The following MAPK10 variants were observed in gnomAD, a reference collection of about 807,000 sequenced individuals.
MAPK10 encodes the protein mitogen-activated protein kinase 10, also known as JNK3 alpha protein kinase.
In MAPK10, 25 loss-of-function variants were observed where a neutral mutation model predicts 59.3. That is an observed-to-expected ratio of 0.42 (90% CI 0.31 to 0.59). The LOEUF is 0.59. Ranked by LOEUF, MAPK10 falls within the 20% of genes least tolerant of loss-of-function variation. The probability of loss-of-function intolerance (pLI) is 0.15; values close to 1 mark genes in which losing one functional copy is unlikely to be tolerated. For missense variants in MAPK10, 351 were observed against 568.9 expected, an observed-to-expected ratio of 0.62 and a Z score of 3.90; for synonymous variants, 190 against 200.5, an observed-to-expected ratio of 0.95 and a Z score of 0.44.
chr4:86,455,634 A>G (rs2149058227), upstream of MAPK10, among the ~76,000 whole-genome samples: 2 of 152,310 alleles, frequency 1.3e-5, no homozygotes, highest in South Asian at 4.1e-4. Context: ...TGCACCTAAC[A>G]CTAGAGCTCC....
intron 3 of MAPK10, among the ~76,000 whole-genome samples, chr4:86,178,605 G>C (rs768571216): frequency 2.0e-5 from 3 of 151,844 alleles, no homozygotes; most frequent in Non-Finnish European, 4.4e-5. Flanking sequence ...AAACCTTAAA[G>C]CTTTTCCTCT....
intron 2 of MAPK10, among the ~76,000 whole-genome samples, chr4:86,284,196 A>C (rs949252367): frequency 2.0e-5 from 3 of 152,190 alleles, no homozygotes; most frequent in Non-Finnish European, 2.9e-5. Context: ...GGAACATGCT[A>C]TTATTATCTC....
chr4:86,576,394 G>A (rs1190460251), intron 1 of MAPK10, among the ~76,000 whole-genome samples: 3 of 152,142 alleles, frequency 2.0e-5, no homozygotes, highest in African/African-American at 7.2e-5. Flanking sequence ...TGGGGGTGTG[G>A]CAGGTAGAGT....
intron 2 of MAPK10, among the ~76,000 whole-genome samples, chr4:86,283,768 G>A (rs1041764933): frequency 6.6e-6 from 1 of 152,188 alleles, no homozygotes; most frequent in African/African-American, 2.4e-5. Flanking sequence ...ATGGTTGCTT[G>A]TAGTGCAGGT....
intron 1 of MAPK10, among the ~76,000 whole-genome samples, chr4:86,412,205 T>C (rs1745272840): frequency 6.6e-6 from 1 of 152,226 alleles, no homozygotes; most frequent in Admixed American, 6.5e-5. Context: ...AATTCTTTCC[T>C]TTAAGAATGT....
intron 2 of MAPK10, among the ~76,000 whole-genome samples, chr4:86,285,300 C>A (rs538918744): frequency 6.6e-6 from 1 of 150,398 alleles, no homozygotes; most frequent in Non-Finnish European, 1.5e-5. Context: ...TCACTGCAAC[C>A]TCTGCCTCCC....
intron 1 of MAPK10, among the ~76,000 whole-genome samples, chr4:86,365,430 T>TAAA (rs1564734606): frequency 1.9e-4 from 2 of 10,460 alleles, no homozygotes; most frequent in Admixed American, 1.9e-3. Flanking sequence ...AGACTCTGTC[T>TAAA]CAAAAAAAAA....
chr4:86,214,811 G>A (rs1411289521), intron 2 of MAPK10, among the ~76,000 whole-genome samples: 1 of 152,106 alleles, frequency 6.6e-6, no homozygotes, highest in Non-Finnish European at 1.5e-5. Context: ...TAGATTGGAT[G>A]TCTTAATATT....
chr4:86,574,246 TA>T (rs1237553740), intron 1 of MAPK10, among the ~76,000 whole-genome samples: 1 of 151,960 alleles, frequency 6.6e-6, no homozygotes, highest in African/African-American at 2.4e-5. Flanking sequence ...CATCATTTTT[TA>T]TGGCTGCATA....
intron 11 of MAPK10, among the ~76,000 whole-genome samples, chr4:86,054,596 T>C (rs1207058816): frequency 1.3e-5 from 2 of 152,194 alleles, no homozygotes; most frequent in Non-Finnish European, 2.9e-5. Context: ...AACCACAAAA[T>C]ACGAATTGCT....
chr4:86,523,362 A>G (rs1385288361), intron 1 of MAPK10, among the ~76,000 whole-genome samples: 1 of 152,184 alleles, frequency 6.6e-6, no homozygotes, highest in Admixed American at 6.5e-5. Context: ...TCTGGCTACA[A>G]ATACCTGGCT....
At chr4:86,134,966 C>G (rs1057276765) in intron 4 of MAPK10, among the ~76,000 whole-genome samples, 1 of 152,186 alleles carries the variant, frequency 6.6e-6, no homozygotes, top group Non-Finnish European at 1.5e-5. Flanking sequence ...CTGAATACTG[C>G]GCTTTTCCGA....
intron 2 of MAPK10, among the ~76,000 whole-genome samples, chr4:86,274,115 G>C (rs1243458026): frequency 6.6e-6 from 1 of 151,972 alleles, no homozygotes; most frequent in African/African-American, 2.4e-5. Flanking sequence ...AAATGTTTAA[G>C]TTATAATAAT....
intron 2 of MAPK10, among the ~76,000 whole-genome samples, chr4:86,294,416 A>G (rs919834713): frequency 3.3e-5 from 5 of 152,126 alleles, no homozygotes; most frequent in African/African-American, 1.2e-4. Flanking sequence ...ATAAATACAA[A>G]TAGGTTAAGT....
intron 1 of MAPK10, among the ~76,000 whole-genome samples, chr4:86,395,736 T>C (rs577949382): frequency 1.2e-3 from 181 of 152,312 alleles, no homozygotes; most frequent in African/African-American, 4.3e-3. Context: ...CAGATTTCAT[T>C]ACTGGTGAGG....
chr4:86,071,512 T>C (rs2047963267), intron 9 of MAPK10, among the ~76,000 whole-genome samples: 1 of 146,656 alleles, frequency 6.8e-6, no homozygotes, highest in African/African-American at 2.6e-5. Flanking sequence ...CTTCTAGGGT[T>C]TTTATGGTTT....
chr4:86,040,065 T>C (rs1191747927), intron 11 of MAPK10, among the ~76,000 whole-genome samples: 1 of 152,128 alleles, frequency 6.6e-6, no homozygotes, highest in Non-Finnish European at 1.5e-5. Flanking sequence ...AAGCCCTTAC[T>C]TCTTCAGATG....
chr4:86,258,277 C>T (rs967067198), intron 2 of MAPK10, among the ~76,000 whole-genome samples: 1 of 152,164 alleles, frequency 6.6e-6, no homozygotes, highest in African/African-American at 2.4e-5. Context: ...TTGTGTATAA[C>T]TAACTCAACC....
chr4:86,017,144 T>C lies in MAPK10; in HGVS notation c.*84A>G. ...TTTCTTGATGTTGTGTGTCTGCATT[T>C]GTGTGTGTGTGTGTGTCTGCGTGTG... On this transcript the variant is annotated 3_prime_UTR_variant, in exon 14 of 14. Coordinates refer to ENST00000641462, the MANE Select transcript of MAPK10 (RefSeq NM_138982.4). The surrounding 1 kb of genome is among the most constrained non-coding windows in gnomAD (Gnocchi z 4.4). 1.0e-6 allele frequency: 1 copy of C among 967,012 alleles called. No homozygotes were observed. Among genetic ancestry groups the C allele is most frequent in the South Asian group, 2.0e-5 (1 of 49,528 alleles). The allele number at this position is 967,012 out of a possible 1,614,324, so 59.9% of individuals were successfully genotyped here.
Sources: allele counts gnomAD v4.1 joint callset (sites outside exome capture counted in the v4.1 genomes callset), GRCh38; gene constraint gnomAD v4.1.1; non-coding constraint Gnocchi (gnomAD v3.1); transcripts MANE v1.5; gene names NCBI Gene and HGNC (gene_info 2026-07-23, HGNC 2026-07-21).